Variants in LRRFIP2 observed in about 807,000 individuals in gnomAD.
LRRFIP2 encodes leucine-rich repeat flightless-interacting protein 2.
A neutral mutation model predicts 125.9 loss-of-function variants in LRRFIP2; 109 were observed. That is an observed-to-expected ratio of 0.87 (90% confidence interval 0.74 to 1.01). The LOEUF is 1.01. Ranked by LOEUF, LRRFIP2 falls within the 50% of genes least tolerant of loss-of-function variation. LRRFIP2 has a pLI of 0.00. For synonymous variants in LRRFIP2, 291 were observed against 293.1 expected (o/e 0.99, Z 0.07); for missense variants, 850 against 862.3 (o/e 0.99, Z 0.18).
intron 18 of LRRFIP2, among the ~76,000 whole-genome samples, chr3:37,090,260 G>A (rs1018900339): frequency 4.7e-5 from 7 of 149,754 alleles, no homozygotes; most frequent in South Asian, 2.1e-4. Context: ...ACAGAGTCTC[G>A]CTCCGTCACC....
At chr3:37,101,811 C>A (rs183457198) in intron 15 of LRRFIP2, among the ~76,000 whole-genome samples, 7 of 152,182 alleles carry the variant, frequency 4.6e-5, no homozygotes, top group Non-Finnish European at 7.4e-5. Flanking sequence ...AGAGGAGAAG[C>A]GTCAGAGAGA....
At chr3:37,105,664 T>A in intron 13 of LRRFIP2, 141 bp from the exon 14 acceptor site, 2 of 553,170 alleles carry the variant, frequency 3.6e-6, no homozygotes. Context: ...GTGGGCACCT[T>A]ATATATTAAT....
At chr3:37,126,298 G>T (rs928817210) in intron 4 of LRRFIP2, among the ~76,000 whole-genome samples, 3 of 152,198 alleles carry the variant, frequency 2.0e-5, no homozygotes, top group Admixed American at 2.0e-4. Flanking sequence ...CCAAAGTGCT[G>T]GGATTACAGG....
chr3:37,121,723 T>G lies in LRRFIP2; in HGVS notation c.229-32A>C, dbSNP rs775704727. ...AAGGAGAAAGTACATGGAGAGTTAATCACTGAATAGACAGTTGTTTATCAG... is the reference window on the plus strand; with the variant it reads ...AAGGAGAAAGTACATGGAGAGTTAAGCACTGAATAGACAGTTGTTTATCAG... On this transcript the variant is annotated intron_variant, in intron 4 of 27. Transcript: ENST00000336686. 3.7e-6 allele frequency: 6 copies of G among 1,602,126 alleles called. No individual in the cohort carries two copies. In the Admixed American group the frequency reaches 1.0e-4, roughly 27 times the overall value.
chr3:37,162,098 G>A lies in LRRFIP2; in HGVS notation c.-56+12441C>T, dbSNP rs531719450. ...TTGAGCCCAGGAGGTCGAGGTTGTA[G>A]TGAGTCATGTTGATGCTACTGTACT... On this transcript the variant is annotated intron_variant, in intron 1 of 27. Coordinates refer to ENST00000336686, the MANE Select transcript of LRRFIP2 (RefSeq NM_006309.4). 6.5e-4 allele frequency among the ~76,000 whole-genome samples: 86 copies of A among 132,772 alleles called. 1 individual carries two copies. The highest frequency in any genetic ancestry group is 4.1e-3 in the South Asian group (16 of 3,878). The allele number at this position is 132,772 out of a possible 152,430, so 87.1% of individuals were successfully genotyped here. A position where few individuals can be genotyped will look rare whatever the true frequency, so the allele number is the denominator to read the frequency against.
chr3:37,056,644 G>A (rs1205852858), intron 25 of LRRFIP2, among the ~76,000 whole-genome samples: 3 of 151,786 alleles, frequency 2.0e-5, no homozygotes, highest in East Asian at 1.9e-4. Context: ...TAGTAGAGAC[G>A]GGGTTTCACC....
intron 2 of LRRFIP2, among the ~76,000 whole-genome samples, chr3:37,139,239 A>G (rs973993701): frequency 2.0e-5 from 3 of 152,204 alleles, no homozygotes; most frequent in Non-Finnish European, 2.9e-5. Flanking sequence ...CAGAAAGCAA[A>G]ATCACATGAA....
chr3:37,110,611 T>C (rs184206402), intron 9 of LRRFIP2, among the ~76,000 whole-genome samples: 34 of 152,312 alleles, frequency 2.2e-4, no homozygotes, highest in African/African-American at 7.7e-4. Context: ...TTACAACTTA[T>C]TTTGAAATGT....
chr3:37,082,494 G>A lies in LRRFIP2; in HGVS notation c.1278+1142C>T, dbSNP rs77224928. ...AACCCACAATAGAGTGGTACATTTCGTTCTATCACTGAACCAACATTGACA... is the reference window on the plus strand; with the variant it reads ...AACCCACAATAGAGTGGTACATTTCATTCTATCACTGAACCAACATTGACA... On this transcript the variant is annotated intron_variant, in intron 19 of 27. Transcript: ENST00000336686. Among the ~76,000 whole-genome samples, 1,384 of 151,990 alleles carry A rather than the reference G, an allele frequency of 9.1e-3. 25 individuals are homozygous for A. The highest frequency in any genetic ancestry group is 0.032 in the African/African-American group (1,323 of 41,426).
intron 18 of LRRFIP2, among the ~76,000 whole-genome samples, chr3:37,090,373 C>T (rs552797154): frequency 3.9e-5 from 6 of 152,088 alleles, no homozygotes; most frequent in East Asian, 1.9e-4. Flanking sequence ...GGATTACAGG[C>T]GCCTGCCACC....
At chr3:37,167,664 A>AAAAG in intron 1 of LRRFIP2, among the ~76,000 whole-genome samples, 1 of 150,736 alleles carries the variant, frequency 6.6e-6, no homozygotes, top group African/African-American at 2.4e-5. Context: ...AAAAAAAAAA[A>AAAAG]AAAGAAAGAA....
intron 4 of LRRFIP2, among the ~76,000 whole-genome samples, chr3:37,125,376 A>G (rs2095238732): frequency 6.6e-6 from 1 of 152,232 alleles, no homozygotes; most frequent in Admixed American, 6.5e-5. Context: ...GGGTTCATGG[A>G]AAGTTGACTA....
intron 20 of LRRFIP2, among the ~76,000 whole-genome samples, chr3:37,073,388 A>T (rs1448454651): frequency 6.6e-6 from 1 of 152,188 alleles, no homozygotes; most frequent in Non-Finnish European, 1.5e-5. Flanking sequence ...GTATTATTTT[A>T]AAATTATATT....
intron 1 of LRRFIP2, among the ~76,000 whole-genome samples, chr3:37,173,650 T>G (rs565018832): frequency 6.6e-6 from 1 of 152,190 alleles, no homozygotes. Context: ...GACAGAAGAA[T>G]TTTATTTCCT....
chr3:37,153,269 T>C (rs2096082491), intron 1 of LRRFIP2, among the ~76,000 whole-genome samples: 1 of 152,014 alleles, frequency 6.6e-6, no homozygotes, highest in Admixed American at 6.6e-5. Flanking sequence ...CACACGCCTG[T>C]AGTTCCAGCT....
At chr3:37,151,839 G>A (rs1039835566) in intron 1 of LRRFIP2, among the ~76,000 whole-genome samples, 3 of 151,976 alleles carry the variant, frequency 2.0e-5, no homozygotes, top group East Asian at 1.9e-4. Flanking sequence ...CTCAGGAGGC[G>A]GGTGATCTGC....
intron 6 of LRRFIP2, among the ~76,000 whole-genome samples, chr3:37,119,488 T>C (rs1367389714): frequency 6.6e-6 from 1 of 152,124 alleles, no homozygotes; most frequent in Non-Finnish European, 1.5e-5. Flanking sequence ...CACATACAAA[T>C]TTATAAATAA....
At chr3:37,162,143 G>A (rs2096363122) in intron 1 of LRRFIP2, among the ~76,000 whole-genome samples, 1 of 104,688 alleles carries the variant, frequency 9.6e-6, no homozygotes, top group Admixed American at 1.4e-4. Flanking sequence ...GTGACAAAGT[G>A]AGACCCTGTC....
At position 37,127,695 on chromosome 3, in the gene LRRFIP2, A is replaced by G. The variant is rs752347949; in HGVS notation, c.178-15T>C. 3.7e-5 allele frequency: 59 copies of G among 1,609,828 alleles called. No homozygotes were observed. The highest frequency in any genetic ancestry group is 4.6e-5 in the Non-Finnish European group (54 of 1,176,342). ...TGAAGAGAGTACTAGAAATGCAAAA[A>G]TTTCATAAACCAAATAGTTTCTAAC... On this transcript the variant is annotated splice_polypyrimidine_tract_variant and intron_variant, in intron 3 of 27. Transcript: ENST00000336686.
Sources: gnomAD v4.1 joint callset for allele counts (sites outside exome capture counted in the v4.1 genomes callset) on GRCh38, gnomAD v4.1.1 for gene constraint, MANE v1.5 for transcripts, NCBI Gene and HGNC (gene_info 2026-07-23, HGNC 2026-07-21) for gene names.